IKBKB-DT: variants seen among roughly 807,000 people sequenced by gnomAD.
The protein encoded by IKBKB-DT is IKBKB antisense RNA.
At chr8:42,264,324 T>C (rs527626303) in intron 2 of IKBKB-DT, among the ~76,000 whole-genome samples, 1 of 151,848 alleles carries the variant, frequency 6.6e-6, no homozygotes, top group East Asian at 1.9e-4. Context: ...CCAGCTAATA[T>C]TTTGATTTTT....
intron 3 of IKBKB-DT, among the ~76,000 whole-genome samples, chr8:42,251,185 C>A (rs1382689537): frequency 2.0e-5 from 3 of 152,290 alleles, no homozygotes; most frequent in African/African-American, 7.2e-5. Flanking sequence ...CTCAGCAAGG[C>A]CATCTTTACT....
intron 3 of IKBKB-DT, among the ~76,000 whole-genome samples, chr8:42,244,875 G>A (rs952489616): frequency 2.6e-5 from 4 of 152,178 alleles, no homozygotes; most frequent in Non-Finnish European, 5.9e-5. Flanking sequence ...AAGCTCTTCT[G>A]TGGCATTTGA....
chr8:42,235,199 T>A (rs1806903358), intron 3 of IKBKB-DT, among the ~76,000 whole-genome samples: 3 of 142,160 alleles, frequency 2.1e-5, no homozygotes, highest in Admixed American at 6.9e-5. Context: ...TCTTTTCTTT[T>A]ATTTTCTTTT....
intron 3 of IKBKB-DT, among the ~76,000 whole-genome samples, chr8:42,248,869 CAAA>C (rs1326485245): frequency 1.5e-5 from 1 of 67,990 alleles, no homozygotes; most frequent in African/African-American, 4.7e-5. Flanking sequence ...GAGGCTCTAC[CAAA>C]AAAAAAAAAA....
At chr8:42,245,082 T>C (rs1408575881) in intron 3 of IKBKB-DT, among the ~76,000 whole-genome samples, 1 of 150,896 alleles carries the variant, frequency 6.6e-6, no homozygotes, top group Non-Finnish European at 1.5e-5. Context: ...ACCCCGTCTC[T>C]ACTAAAATAC....
In IKBKB-DT at chr8:42,267,442, C is replaced by A. The variant is rs532710461; in HGVS notation, n.604-1046G>T. Among the ~76,000 whole-genome samples, 4 of 152,292 alleles carry A rather than the reference C, an allele frequency of 2.6e-5. No homozygotes were observed. The South Asian group carries it at 8.3e-4, about 32-fold the overall frequency. ...TACTGTGGTACTAATTACTGCAGAA[C>A]AAATCCGTGTGTGATTTTATATTGC... On this transcript the variant is annotated intron_variant and non_coding_transcript_variant, in intron 1 of 3. Coordinates refer to ENST00000518213, the Ensembl canonical transcript of IKBKB-DT.
chr8:42,245,054 C>T (rs1473566099), intron 3 of IKBKB-DT, among the ~76,000 whole-genome samples: 2 of 152,020 alleles, frequency 1.3e-5, no homozygotes, highest in South Asian at 2.1e-4. Context: ...TTGAGACCAT[C>T]CTGGTCAACA....
chr8:42,245,112 AGGCGTGGT>A (rs1192708683), intron 3 of IKBKB-DT, among the ~76,000 whole-genome samples: 1 of 151,792 alleles, frequency 6.6e-6, no homozygotes, highest in Admixed American at 6.6e-5. Flanking sequence ...AAAATTAGCC[AGGCGTGGT>A]GGCACGTGCC....
At chr8:42,247,399 G>A (rs1807077317) in intron 3 of IKBKB-DT, among the ~76,000 whole-genome samples, 1 of 152,180 alleles carries the variant, frequency 6.6e-6, no homozygotes, top group South Asian at 2.1e-4. Flanking sequence ...GTACCTCATT[G>A]TATCTAGGAA....
chr8:42,258,030 CTGA>C (rs1181242573), intron 3 of IKBKB-DT, among the ~76,000 whole-genome samples: 1 of 150,854 alleles, frequency 6.6e-6, no homozygotes, highest in East Asian at 2.0e-4. Flanking sequence ...GGAAATTATT[CTGA>C]TAAGACGCAG....
chr8:42,269,228 G>A (rs1218622088), intron 1 of IKBKB-DT, among the ~76,000 whole-genome samples: 2 of 151,028 alleles, frequency 1.3e-5, no homozygotes, highest in Admixed American at 6.6e-5. Flanking sequence ...GCTGAGGCGG[G>A]AGGACCCCTT....
intron 1 of IKBKB-DT, chr8:42,270,305 G>C (rs1807546927): frequency 6.6e-6 from 1 of 152,286 alleles, no homozygotes; most frequent in South Asian, 2.1e-4. Context: ...ACCAGCCTGG[G>C]CAACACAGTG....
At chr8:42,264,481 G>A (rs538446989) in intron 2 of IKBKB-DT, among the ~76,000 whole-genome samples, 15 of 152,266 alleles carry the variant, frequency 9.9e-5, no homozygotes, top group Non-Finnish European at 1.9e-4. Context: ...TGTTGCTGAG[G>A]CTAACAGAAA....
At chr8:42,240,666 ATT>A (rs1194127517) in intron 3 of IKBKB-DT, among the ~76,000 whole-genome samples, 1 of 145,162 alleles carries the variant, frequency 6.9e-6, no homozygotes, top group Non-Finnish European at 1.5e-5. Context: ...AGTAATCTAT[ATT>A]GCCACACACC....
intron 3 of IKBKB-DT, among the ~76,000 whole-genome samples, chr8:42,252,632 G>C (rs112457106): frequency 2.6e-5 from 4 of 152,330 alleles, no homozygotes; most frequent in African/African-American, 9.6e-5. Flanking sequence ...CTCCCAATGT[G>C]CTGGGATTAC....
chr8:42,258,393 C>A (rs576084435), intron 3 of IKBKB-DT, among the ~76,000 whole-genome samples: 5 of 152,130 alleles, frequency 3.3e-5, no homozygotes, highest in African/African-American at 1.2e-4. Context: ...AATACTCTTG[C>A]CTTGGCCTCT....
At chr8:42,254,103 T>C (rs769497516) in intron 3 of IKBKB-DT, among the ~76,000 whole-genome samples, 17 of 152,250 alleles carry the variant, frequency 1.1e-4, no homozygotes, top group East Asian at 1.9e-4. Context: ...TATTTAAGAA[T>C]GTTAGCACAG....
At chr8:42,240,624 CAAAAAAAAAAAA>C (rs1208809199) in intron 3 of IKBKB-DT, among the ~76,000 whole-genome samples, 3 of 26,398 alleles carry the variant, frequency 1.1e-4, no homozygotes, top group Non-Finnish European at 6.7e-5. Flanking sequence ...GACTCAGTCT[CAAAAAAAAAAAA>C]AAAAAAAAAA....
chr8:42,265,818 C>A (rs527884933), exon 2 of IKBKB-DT: 1 of 152,218 alleles, frequency 6.6e-6, no homozygotes, highest in South Asian at 2.1e-4. Flanking sequence ...CTCAGAGCCC[C>A]AAATCCTTGC....
Sources: allele counts gnomAD v4.1 joint callset (sites outside exome capture counted in the v4.1 genomes callset), GRCh38; gene constraint gnomAD v4.1.1; transcripts MANE v1.5; gene names NCBI Gene and HGNC (gene_info 2026-07-23, HGNC 2026-07-21).